The following LIMS1 variants were observed in gnomAD, a reference collection of about 807,000 sequenced individuals.
LIMS1 encodes the protein LIM zinc finger domain containing 1, also known as LIM and senescent cell antigen-like-containing domain protein 1.
A neutral mutation model predicts 44.1 loss-of-function variants in LIMS1; 18 were observed. The ratio of observed to expected loss-of-function variants is 0.41; its 90% CI spans 0.28 to 0.61. The LOEUF (loss-of-function observed/expected upper bound fraction) is 0.61, where lower values mean the gene tolerates loss of function less well. Among genes scored for constraint, LIMS1 ranks in the 20% least tolerant of loss-of-function variants. The pLI is 0.32. For synonymous variants in LIMS1, 93 were observed against 149.1 expected, an observed-to-expected ratio of 0.62 and a Z score of 2.74; for missense variants, 201 against 422.0, an observed-to-expected ratio of 0.48 and a Z score of 4.59.
chr2:108,564,956 GCCCTAGCTCTTTAAGAGAAAC>G (rs149312375), intron 1 of LIMS1, among the ~76,000 whole-genome samples: 68,223 of 151,048 alleles, frequency 0.45, 16,607 homozygotes, highest in East Asian at 0.96. Flanking sequence ...CCAGCGCTCT[GCCCTAGCTCTTTAAGAGAAAC>G]CCCTAGCTCT....
intron 1 of LIMS1, among the ~76,000 whole-genome samples, chr2:108,654,156 G>T (rs1423472726): frequency 6.6e-6 from 1 of 151,696 alleles, no homozygotes; most frequent in East Asian, 1.9e-4. Flanking sequence ...TTTGCCTGAC[G>T]TAGTTTCCAG....
chr2:108,664,495 T>C (rs1691610503), intron 2 of LIMS1, among the ~76,000 whole-genome samples: 1 of 152,244 alleles, frequency 6.6e-6, no homozygotes, highest in South Asian at 2.1e-4. Flanking sequence ...ACCATACTAA[T>C]TTGGACCATT....
intron 2 of LIMS1, among the ~76,000 whole-genome samples, chr2:108,664,430 C>G (rs547539733): frequency 4.6e-5 from 7 of 152,232 alleles, no homozygotes; most frequent in Non-Finnish European, 4.4e-5. Flanking sequence ...CGACCCATTT[C>G]CACAAGCGGT....
At chr2:108,619,909 A>G (rs1688143248) in intron 1 of LIMS1, among the ~76,000 whole-genome samples, 1 of 152,144 alleles carries the variant, frequency 6.6e-6, no homozygotes, top group Non-Finnish European at 1.5e-5. Context: ...AGCCAGTATT[A>G]CCGGTTTTTT....
At chr2:108,580,451 G>A (rs569431781) in intron 1 of LIMS1, among the ~76,000 whole-genome samples, 3 of 152,218 alleles carry the variant, frequency 2.0e-5, no homozygotes, top group African/African-American at 7.2e-5. Flanking sequence ...AACAGAGAGT[G>A]GACGACATGG....
intron 1 of LIMS1, among the ~76,000 whole-genome samples, chr2:108,625,993 T>C (rs1235182039): frequency 2.0e-5 from 3 of 152,230 alleles, no homozygotes; most frequent in Non-Finnish European, 2.9e-5. Flanking sequence ...TTTGTGTGTG[T>C]GGGCCCACCA....
intron 1 of LIMS1, among the ~76,000 whole-genome samples, chr2:108,642,628 G>A (rs1297245396): frequency 2.0e-5 from 3 of 152,008 alleles, no homozygotes; most frequent in African/African-American, 7.3e-5. Flanking sequence ...CAAAGTGCAG[G>A]GATTACAGGC....
intron 2 of LIMS1, among the ~76,000 whole-genome samples, chr2:108,666,968 C>G (rs1442373173): frequency 2.0e-5 from 3 of 151,494 alleles, no homozygotes; most frequent in Non-Finnish European, 4.4e-5. Flanking sequence ...CTGTCTGCAC[C>G]CTGTCCTTTT....
intron 1 of LIMS1, among the ~76,000 whole-genome samples, chr2:108,544,802 A>G (rs2718737): frequency 0.17 from 25,939 of 152,120 alleles, 2,644 homozygotes; most frequent in African/African-American, 0.27. Flanking sequence ...GCCAGCCTCA[A>G]TAATTATTGA....
intron 1 of LIMS1, among the ~76,000 whole-genome samples, chr2:108,563,657 C>T (rs1298321827): frequency 6.6e-6 from 1 of 152,206 alleles, no homozygotes; most frequent in East Asian, 1.9e-4. Flanking sequence ...ATGTAGTCTA[C>T]TCCTGATGAA....
chr2:108,606,953 G>T (rs539749230), intron 1 of LIMS1, among the ~76,000 whole-genome samples: 1 of 152,250 alleles, frequency 6.6e-6, no homozygotes, highest in Non-Finnish European at 1.5e-5. Flanking sequence ...TGAGTATGCA[G>T]TAAAGGGTAT....
At chr2:108,663,127 T>C (rs1691490629) in intron 2 of LIMS1, among the ~76,000 whole-genome samples, 1 of 152,174 alleles carries the variant, frequency 6.6e-6, no homozygotes, top group African/African-American at 2.4e-5. Context: ...TTCTTTCTTT[T>C]CTTTTTCTTA....
intron 1 of LIMS1, among the ~76,000 whole-genome samples, chr2:108,633,662 T>C (rs1320078690): frequency 1.3e-5 from 2 of 152,222 alleles, no homozygotes; most frequent in African/African-American, 4.8e-5. Flanking sequence ...TTACTAATAG[T>C]TGGTTAAAGG....
intron 1 of LIMS1, among the ~76,000 whole-genome samples, chr2:108,624,152 G>A (rs1053105966): frequency 3.3e-5 from 5 of 152,170 alleles, no homozygotes; most frequent in East Asian, 1.9e-4. Flanking sequence ...CCAGTGGGTC[G>A]GAAGCCCCAG....
intron 3 of LIMS1, among the ~76,000 whole-genome samples, chr2:108,672,039 A>T (rs2433830): frequency 1.1e-4 from 16 of 151,966 alleles, no homozygotes; most frequent in East Asian, 3.9e-4. Context: ...TGGTGGCAGG[A>T]GCCTGTAATC....
chr2:108,608,600 G>A (rs1473822112), intron 1 of LIMS1, among the ~76,000 whole-genome samples: 1 of 152,120 alleles, frequency 6.6e-6, no homozygotes, highest in Non-Finnish European at 1.5e-5. Flanking sequence ...CACCGCGCCC[G>A]GCCCACTCAC....
At chr2:108,571,571 A>G (rs1249117790) in intron 1 of LIMS1, among the ~76,000 whole-genome samples, 1 of 152,248 alleles carries the variant, frequency 6.6e-6, no homozygotes, top group Non-Finnish European at 1.5e-5. Flanking sequence ...TGGGACAATA[A>G]ATAGCCTTAA....
intron 8 of LIMS1, among the ~76,000 whole-genome samples, chr2:108,679,169 T>C (rs1692773087): frequency 6.6e-6 from 1 of 151,898 alleles, no homozygotes. Flanking sequence ...ATAATTAACC[T>C]AGAGATGATC....
At chr2:108,567,744 G>C (rs1222959910) in intron 1 of LIMS1, among the ~76,000 whole-genome samples, 6 of 152,140 alleles carry the variant, frequency 3.9e-5, no homozygotes, top group Non-Finnish European at 8.8e-5. Context: ...GCTAATTTTT[G>C]TATTTTTAGT....
Sources: allele counts gnomAD v4.1 joint callset (sites outside exome capture counted in the v4.1 genomes callset), GRCh38; gene constraint gnomAD v4.1.1; transcripts MANE v1.5; gene names NCBI Gene and HGNC (gene_info 2026-07-23, HGNC 2026-07-21).